The following ME1 variants were observed in gnomAD, a reference collection of about 807,000 sequenced individuals.
ME1 encodes the protein NADP-dependent malic enzyme.
ME1 carries 74 observed loss-of-function variants against 66.4 expected under a neutral mutation model. The ratio of observed to expected loss-of-function variants is 1.11; its 90% confidence interval spans 0.92 to 1.35. The LOEUF (loss-of-function observed/expected upper bound fraction) is 1.35. Ranked by LOEUF, ME1 falls within the 40% of genes most tolerant of loss-of-function variation. ME1 has a pLI of 0.00. For synonymous variants in ME1, 251 were observed against 235.6 expected, an observed-to-expected ratio of 1.07 and a Z score of -0.60; for missense variants, 750 against 694.1, an observed-to-expected ratio of 1.08 and a Z score of -0.90.
intron 1 of ME1, among the ~76,000 whole-genome samples, chr6:83,410,124 G>A (rs984890179): frequency 6.6e-6 from 1 of 151,912 alleles, no homozygotes; most frequent in Non-Finnish European, 1.5e-5. Context: ...AAACTCCACG[G>A]GGCCACAGAA....
At chr6:83,333,537 C>T (rs746095125) in intron 5 of ME1, among the ~76,000 whole-genome samples, 19 of 152,136 alleles carry the variant, frequency 1.2e-4, no homozygotes, top group Non-Finnish European at 2.1e-4. Context: ...TCTTCACACA[C>T]ATTATGAGTT....
chr6:83,312,252 T>A (rs186688931), intron 6 of ME1, among the ~76,000 whole-genome samples: 2 of 152,266 alleles, frequency 1.3e-5, no homozygotes, highest in East Asian at 3.9e-4. Flanking sequence ...ATCAAAACAC[T>A]GTTCCCCTCT....
At chr6:83,239,691 T>A in intron 7 of ME1, 55 bp from the exon 8 acceptor site, 6 of 1,268,630 alleles carry the variant, frequency 4.7e-6, no homozygotes, top group Non-Finnish European at 6.9e-6. Context: ...CTGCCAATTT[T>A]CAAGCTTTTA....
chr6:83,361,907 C>T (rs1184379438), intron 3 of ME1, among the ~76,000 whole-genome samples: 8 of 152,288 alleles, frequency 5.3e-5, no homozygotes, highest in South Asian at 4.1e-4. Context: ...AAGTGGCTCA[C>T]GTGTCCATGG....
intron 5 of ME1, among the ~76,000 whole-genome samples, chr6:83,320,533 C>T (rs1008445660): frequency 9.2e-5 from 14 of 152,170 alleles, no homozygotes; most frequent in Non-Finnish European, 1.8e-4. Flanking sequence ...GCAGCTGTTC[C>T]TTAAGGCATA....
chr6:83,424,187 T>C (rs544614276), intron 1 of ME1, among the ~76,000 whole-genome samples: 10 of 152,016 alleles, frequency 6.6e-5, no homozygotes, highest in Admixed American at 2.0e-4. Context: ...GAGGATATAA[T>C]ACATATAACT....
At chr6:83,361,316 C>A (rs1031213595) in intron 3 of ME1, among the ~76,000 whole-genome samples, 1 of 152,188 alleles carries the variant, frequency 6.6e-6, no homozygotes, top group African/African-American at 2.4e-5. Flanking sequence ...CATTTGGCCC[C>A]TCCTACAACC....
At chr6:83,405,953 A>C (rs1176141771) in intron 2 of ME1, among the ~76,000 whole-genome samples, 1 of 151,618 alleles carries the variant, frequency 6.6e-6, no homozygotes, top group East Asian at 1.9e-4. Context: ...GATCTCCTGA[A>C]CTCGTGATCC....
At position 83,352,285 on chromosome 6, in the gene ME1, A is replaced by T. The variant is rs1768817242; in HGVS notation, c.363-146T>A. The T allele has an allele frequency of 6.4e-6, 3 of 469,086 alleles. No homozygotes were observed. The Admixed American group carries it at 1.2e-4, about 19-fold the overall frequency. The allele number at this position is 469,086 out of a possible 1,614,324, so 29.1% of individuals were successfully genotyped here. A position where few individuals can be genotyped will look rare whatever the true frequency, so the allele number is the denominator to read the frequency against. ...TGGTGGACATTATTTCCTTAAACAA[A>T]TAAGGGGCAGGAATTCTTATAAGTA... On this transcript the variant is annotated intron_variant, in intron 3 of 13. Coordinates refer to ENST00000369705, the MANE Select transcript of ME1 (RefSeq NM_002395.6).
At chr6:83,374,356 T>C (rs1293419154) in intron 3 of ME1, among the ~76,000 whole-genome samples, 3 of 152,232 alleles carry the variant, frequency 2.0e-5, no homozygotes, top group Non-Finnish European at 4.4e-5. Context: ...CAATCAGTGA[T>C]GTTGAGCTTT....
At chr6:83,396,747 A>G (rs1562002291) in intron 3 of ME1, among the ~76,000 whole-genome samples, 1 of 152,164 alleles carries the variant, frequency 6.6e-6, no homozygotes, top group Non-Finnish European at 1.5e-5. Context: ...TGGTAATCAC[A>G]ACGGCATGGT....
chr6:83,314,404 T>G (rs754407942), intron 6 of ME1, among the ~76,000 whole-genome samples: 259 of 152,334 alleles, frequency 1.7e-3, no homozygotes, highest in Middle Eastern at 3.4e-3. Context: ...TAAGGATTTA[T>G]GCATGATAAG....
chr6:83,248,761 G>A (rs1289208529), intron 7 of ME1, among the ~76,000 whole-genome samples: 1 of 152,150 alleles, frequency 6.6e-6, no homozygotes. Context: ...ATGATTGTAA[G>A]TTTCCTGAGG....
intron 1 of ME1, among the ~76,000 whole-genome samples, chr6:83,410,581 T>TAAA (rs1486565915): frequency 1.3e-5 from 2 of 152,154 alleles, no homozygotes; most frequent in African/African-American, 4.8e-5. Context: ...AATAGATTTT[T>TAAA]ATCTAACTAG....
At chr6:83,334,012 C>G (rs1388255587) in intron 5 of ME1, among the ~76,000 whole-genome samples, 2 of 151,922 alleles carry the variant, frequency 1.3e-5, no homozygotes, top group Non-Finnish European at 2.9e-5. Flanking sequence ...CCAGCGTGAG[C>G]GACGCAGAAG....
At chr6:83,243,430 T>C (rs1790545454) in intron 7 of ME1, among the ~76,000 whole-genome samples, 1 of 125,226 alleles carries the variant, frequency 8.0e-6, no homozygotes, top group Non-Finnish European at 1.6e-5. Flanking sequence ...TATTTATATA[T>C]TTATATAATA....
At chr6:83,252,017 A>T (rs546627150) in intron 7 of ME1, among the ~76,000 whole-genome samples, 4 of 152,350 alleles carry the variant, frequency 2.6e-5, no homozygotes, top group Admixed American at 2.6e-4. Flanking sequence ...GATTACTTAG[A>T]TGATAGCAAT....
At position 83,216,556 on chromosome 6, in the gene ME1, C is replaced by T. The variant is rs759833549; in HGVS notation, c.1490G>A (p.Gly497Asp). Residue 497 changes from glycine (G) to aspartate (D), a missense_variant, in exon 13 of 14, where the codon GGT becomes GAT. Gly to Asp is a moderately conservative substitution (Grantham distance 94). Transcript: ENST00000369705. The stretch of plus-strand genomic sequence containing the variant: ...GGTATTCAAAGGAGGATAAAGCCGA[C>T]CCTCTTCCAAGTGTTTATCTGACAC... ...QQVSDKHLEE[G>D]RLYPPLNTIR... The T allele has an allele frequency of 9.3e-6, 15 of 1,611,292 alleles. No individual in the cohort carries two copies. The highest frequency in any genetic ancestry group is 1.2e-5 in the Non-Finnish European group (14 of 1,179,464).
At chr6:83,386,795 C>T (rs1472322902) in intron 3 of ME1, among the ~76,000 whole-genome samples, 1 of 150,382 alleles carries the variant, frequency 6.6e-6, no homozygotes, top group Non-Finnish European at 1.5e-5. Flanking sequence ...ATGATTAGTG[C>T]CCTTTATAAA....
Sources: gnomAD v4.1 joint callset for allele counts (sites outside exome capture counted in the v4.1 genomes callset) on GRCh38, gnomAD v4.1.1 for gene constraint, MANE v1.5 for transcripts, NCBI Gene and HGNC (gene_info 2026-07-23, HGNC 2026-07-21) for gene names.